PTPRD: variants seen among roughly 807,000 people sequenced by gnomAD.
PTPRD encodes protein tyrosine phosphatase receptor type D.
In PTPRD, 34 loss-of-function variants were observed where a neutral mutation model predicts 214.5. The ratio of observed to expected loss-of-function variants is 0.16; its 90% CI spans 0.12 to 0.21. The LOEUF is 0.21. Among genes scored for constraint, PTPRD ranks in the 10% least tolerant of loss-of-function variants. The pLI, the probability that PTPRD is intolerant of heterozygous loss-of-function variation, is 1.00. For synonymous variants in PTPRD, 1,128 were observed against 845.7 expected (o/e 1.33, Z -5.79); for missense variants, 2,545 against 2,398.7 (o/e 1.06, Z -1.27).
intron 12 of PTPRD, among the ~76,000 whole-genome samples, chr9:8,644,110 C>A (rs149996982): frequency 6.6e-6 from 1 of 152,142 alleles, no homozygotes; most frequent in Non-Finnish European, 1.5e-5. Flanking sequence ...CAAAAAGGCA[C>A]GACTCTCTCT....
intron 45 of PTPRD, 118 bp from the exon 46 acceptor site, chr9:8,318,060 C>G: frequency 1.2e-6 from 1 of 859,166 alleles, no homozygotes; most frequent in Admixed American, 2.1e-5. Flanking sequence ...AAAATCACTA[C>G]TTTCGTCAAC....
intron 5 of PTPRD, among the ~76,000 whole-genome samples, chr9:9,893,857 A>G (rs950273263): frequency 6.6e-6 from 1 of 151,878 alleles, no homozygotes; most frequent in Non-Finnish European, 1.5e-5. Context: ...ATCTTTCCCT[A>G]TTGCCCAGAC....
At chr9:9,657,809 C>A (rs1594457619) in intron 7 of PTPRD, among the ~76,000 whole-genome samples, 1 of 152,238 alleles carries the variant, frequency 6.6e-6, no homozygotes, top group East Asian at 1.9e-4. Context: ...TGATGGTGGT[C>A]TATGCCATAT....
In PTPRD at chr9:9,405,703, G is replaced by A. The variant is rs140808387; in HGVS notation, c.-236-8221C>T. Among the ~76,000 whole-genome samples, 47 of 152,084 alleles carry A rather than the reference G, an allele frequency of 3.1e-4. No homozygotes were observed. The East Asian group carries it at 8.7e-3, about 28-fold the overall frequency. On this transcript the variant is annotated intron_variant, in intron 8 of 45. Coordinates refer to ENST00000381196, the MANE Select transcript of PTPRD (RefSeq NM_002839.4). ...CATGCTCTCTAGAAGACATTATTGT[G>A]GTTGGTGCAAAATCGAATTTTTATC...
chr9:10,334,582 A>C (rs1385530313), intron 3 of PTPRD, among the ~76,000 whole-genome samples: 1 of 151,642 alleles, frequency 6.6e-6, no homozygotes, highest in East Asian at 2.0e-4. Flanking sequence ...CGAGAAAAGG[A>C]AATCAATTTA....
At chr9:8,686,353 A>G (rs2097681112) in intron 12 of PTPRD, among the ~76,000 whole-genome samples, 1 of 152,232 alleles carries the variant, frequency 6.6e-6, no homozygotes, top group Admixed American at 6.5e-5. Flanking sequence ...ACATATGTAT[A>G]TACAAACCCA....
intron 11 of PTPRD, among the ~76,000 whole-genome samples, chr9:9,008,249 G>T (rs1385357934): frequency 4.0e-5 from 1 of 24,814 alleles, no homozygotes. Context: ...TTATTTTTGA[G>T]ACAGAGTCTC....
intron 14 of PTPRD, among the ~76,000 whole-genome samples, chr9:8,538,617 G>A (rs10977190): frequency 0.29 from 43,316 of 150,668 alleles, 6,373 homozygotes; most frequent in African/African-American, 0.35. Context: ...AAATATATAT[G>A]TACACACATA....
At chr9:9,753,718 A>C (rs945240745) in intron 6 of PTPRD, among the ~76,000 whole-genome samples, 1 of 151,992 alleles carries the variant, frequency 6.6e-6, no homozygotes, top group Middle Eastern at 3.2e-3. Flanking sequence ...TGTGTCGCAG[A>C]TGCTCTCTGA....
intron 3 of PTPRD, among the ~76,000 whole-genome samples, chr9:10,180,837 G>A (rs1404775506): frequency 6.6e-6 from 1 of 151,530 alleles, no homozygotes; most frequent in Non-Finnish European, 1.5e-5. Context: ...CATTTATGCA[G>A]GAGAAAAATG....
At chr9:9,939,013 CTTT>C (rs58215302) in intron 4 of PTPRD, among the ~76,000 whole-genome samples, 11 of 148,116 alleles carry the variant, frequency 7.4e-5, no homozygotes, top group East Asian at 3.9e-4. Flanking sequence ...TTCTGAATTC[CTTT>C]TTTTTTTTTT....
intron 3 of PTPRD, among the ~76,000 whole-genome samples, chr9:10,298,711 T>TA (rs1261376182): frequency 6.6e-6 from 1 of 152,004 alleles, no homozygotes; most frequent in Non-Finnish European, 1.5e-5. Flanking sequence ...CACAGGTATG[T>TA]ATATATTTAG....
At chr9:8,502,574 T>C (rs1392006186) in intron 23 of PTPRD, among the ~76,000 whole-genome samples, 1 of 152,104 alleles carries the variant, frequency 6.6e-6, no homozygotes, top group Non-Finnish European at 1.5e-5. Flanking sequence ...CTCATTTTTA[T>C]TGATTCTGAC....
chr9:9,910,633 A>G (rs907035906), intron 5 of PTPRD, among the ~76,000 whole-genome samples: 4 of 152,014 alleles, frequency 2.6e-5, no homozygotes, highest in Non-Finnish European at 5.9e-5. Flanking sequence ...TTGTGGAATT[A>G]GGCATTGTTT....
chr9:10,061,567 A>C (rs1195215791), intron 3 of PTPRD, among the ~76,000 whole-genome samples: 1 of 152,064 alleles, frequency 6.6e-6, no homozygotes, highest in Non-Finnish European at 1.5e-5. Context: ...TCTAGAGTGA[A>C]TCTTATATTG....
intron 2 of PTPRD, among the ~76,000 whole-genome samples, chr9:10,518,699 A>AT (rs1285112474): frequency 5.3e-5 from 8 of 151,792 alleles, no homozygotes; most frequent in African/African-American, 1.4e-4. Context: ...CACCCGGCTA[A>AT]TTTTTTGTAT....
intron 5 of PTPRD, among the ~76,000 whole-genome samples, chr9:9,808,408 A>G (rs1368268777): frequency 1.3e-5 from 2 of 152,176 alleles, no homozygotes; most frequent in Non-Finnish European, 2.9e-5. Context: ...AAATTGTCTT[A>G]AAACCCCCTT....
At chr9:10,446,704 AAACCTGCTGCCCT>A (rs1182170177) in intron 2 of PTPRD, among the ~76,000 whole-genome samples, 1 of 152,164 alleles carries the variant, frequency 6.6e-6, no homozygotes. Context: ...ATCTGCAAGA[AAACCTGCTGCCCT>A]AATCACCAGT....
chr9:9,032,907 T>C (rs1195496503), intron 10 of PTPRD, among the ~76,000 whole-genome samples: 1 of 152,042 alleles, frequency 6.6e-6, no homozygotes, highest in African/African-American at 2.4e-5. Flanking sequence ...GGCCTTCTTG[T>C]CCCTTCCCCA....
Sources: allele counts gnomAD v4.1 joint callset (sites outside exome capture counted in the v4.1 genomes callset), GRCh38; gene constraint gnomAD v4.1.1; transcripts MANE v1.5; gene names NCBI Gene and HGNC (gene_info 2026-07-23, HGNC 2026-07-21).